Variants in DNAH11 observed in about 807,000 individuals in gnomAD.
DNAH11 encodes the protein dynein axonemal heavy chain 11, also known as axonemal beta dynein heavy chain 11.
DNAH11 carries 442 observed loss-of-function variants against 526.0 expected under a neutral mutation model. The observed-to-expected ratio is 0.84, with a 90% CI of 0.78 to 0.91. The LOEUF (loss-of-function observed/expected upper bound fraction) is 0.91. Ranked by LOEUF, DNAH11 falls within the 40% of genes least tolerant of loss-of-function variation. The pLI is 0.00. For missense variants in DNAH11, 6,989 were observed against 5,448.7 expected (o/e 1.28, Z -8.90); for synonymous variants, 2,461 against 1,935.9 (o/e 1.27, Z -7.12).
chr7:21,789,808 T>C (rs796537735), intron 61 of DNAH11, among the ~76,000 whole-genome samples: 129 of 34,114 alleles, frequency 3.8e-3, no homozygotes, highest in Middle Eastern at 0.025. Context: ...TTTCTTTCTT[T>C]TTTCTTTCTT....
chr7:21,694,530 C>G (rs1231136322), intron 35 of DNAH11, among the ~76,000 whole-genome samples: 2 of 152,158 alleles, frequency 1.3e-5, no homozygotes, highest in African/African-American at 4.8e-5. Context: ...GACATGAACT[C>G]ATTCCTTTTT....
intron 54 of DNAH11, among the ~76,000 whole-genome samples, chr7:21,760,095 A>G (rs1188520607): frequency 6.6e-6 from 1 of 151,846 alleles, no homozygotes; most frequent in Non-Finnish European, 1.5e-5. Context: ...CAATTTGCTC[A>G]CTTGCAATTG....
intron 61 of DNAH11, among the ~76,000 whole-genome samples, chr7:21,796,281 G>T (rs561380013): frequency 3.3e-5 from 5 of 152,242 alleles, no homozygotes; most frequent in Admixed American, 2.0e-4. Context: ...CCCCAGTAGG[G>T]ATCTGTGAGC....
At chr7:21,843,065 G>C (rs894895817) in intron 66 of DNAH11, among the ~76,000 whole-genome samples, 2 of 152,142 alleles carry the variant, frequency 1.3e-5, no homozygotes, top group Non-Finnish European at 2.9e-5. Context: ...ATTTAGCCTG[G>C]GCTAAAGAAT....
chr7:21,687,432 C>T lies in DNAH11; in HGVS notation c.5829C>T (p.Cys1943=), dbSNP rs1455063255. ...TGGTGCAGACAGGAGCTTGGGGCTG[C>T]TTTGATGAGTTCAACCGAATCTCTG... ...KGLVQTGAWG[C]FDEFNRISVE... Residue 1943 remains cysteine, a synonymous_variant, in exon 34 of 82, where the codon TGC becomes TGT. Transcript: ENST00000409508. 1 of 1,613,836 alleles carries T rather than the reference C, an allele frequency of 6.2e-7. No homozygotes were observed. Among genetic ancestry groups the T allele is most frequent in the East Asian group, 2.2e-5 (1 of 44,882 alleles).
chr7:21,723,980 A>G (rs1224262190), intron 44 of DNAH11, among the ~76,000 whole-genome samples: 2 of 152,310 alleles, frequency 1.3e-5, no homozygotes, highest in African/African-American at 4.8e-5. Flanking sequence ...ACACATCTTC[A>G]TGTTCCTCTC....
chr7:21,618,976 C>G, intron 23 of DNAH11, 124 bp from the exon 24 acceptor site: 1 of 1,231,764 alleles, frequency 8.1e-7, no homozygotes, highest in Non-Finnish European at 1.1e-6. Context: ...TATTTCAAGA[C>G]GAGAGATGTA....
Position 21,773,789 on chromosome 7 carries a change from C to G in DNAH11, c.9126C>G (p.Ser3042Arg), listed in dbSNP as rs757136516. The G allele has an allele frequency of 2.5e-6, 4 of 1,601,400 alleles. No homozygotes were observed. The highest frequency in any genetic ancestry group is 1.1e-5 in the South Asian group (1 of 87,780). Reference sequence around the variant, plus strand: ...AGCCAGTGCACAAAGACTCTATTAGCCTTTTCATGGCACATGTTCACACCA... The same window carrying G: ...AGCCAGTGCACAAAGACTCTATTAGGCTTTTCATGGCACATGTTCACACCA... ...GIEPVHKDSI[S>R]LFMAHVHTTV... Residue 3042 changes from serine to arginine, a missense_variant, in exon 56 of 82, where the codon AGC becomes AGG. By Grantham distance (110) the Ser-to-Arg change is moderately radical (BLOSUM62 -1). Coordinates refer to ENST00000409508, the MANE Select transcript of DNAH11 (RefSeq NM_001277115.2).
chr7:21,822,201 G>C (rs1790083692), intron 65 of DNAH11, among the ~76,000 whole-genome samples: 1 of 152,006 alleles, frequency 6.6e-6, no homozygotes, highest in African/African-American at 2.4e-5. Context: ...TCATGGTTCT[G>C]TAGGCTGTAA....
intron 74 of DNAH11, among the ~76,000 whole-genome samples, chr7:21,875,940 G>T (rs896248734): frequency 2.2e-5 from 3 of 136,734 alleles, no homozygotes; most frequent in African/African-American, 8.6e-5. Context: ...CTGGAGTGCA[G>T]TGGTACGATC....
intron 49 of DNAH11, 139 bp from the exon 50 acceptor site, chr7:21,744,299 C>T: frequency 1.0e-6 from 1 of 974,330 alleles, no homozygotes; most frequent in Non-Finnish European, 1.5e-6. Flanking sequence ...TACTTTTATA[C>T]ACGAACACGC....
At position 21,615,262 on chromosome 7, in the gene DNAH11, T is replaced by G. The variant is rs72657309; in HGVS notation, c.4001T>G (p.Ile1334Ser). 1.2e-5 allele frequency: 19 copies of G among 1,612,044 alleles called. No homozygotes were observed. The highest frequency in any genetic ancestry group is 1.5e-5 in the Non-Finnish European group (18 of 1,178,902). ...KLLKGLWDVI[I>S]YVRRSIDNWT... ...CTCAAGGGACTGTGGGATGTCATTA[T>G]TTATGTTCGAGTAAGATGTGCTTTT... The change falls in exon 21 of 82, where the codon ATT (isoleucine) becomes AGT (serine). Residue 1334 changes from isoleucine (I) to serine (S), a missense_variant. Ile to Ser is a moderately radical substitution (Grantham distance 142). Coordinates refer to ENST00000409508, the MANE Select transcript of DNAH11 (RefSeq NM_001277115.2).
chr7:21,600,669 C>A lies in DNAH11; in HGVS notation c.3001-7C>A. ...AATAGTAAGTGCTGTGTTTTCCTCT[C>A]ATTTAGAATGATATGGATAACATGT... On this transcript the variant is annotated splice_region_variant and splice_polypyrimidine_tract_variant and intron_variant, in intron 15 of 81. Coordinates refer to ENST00000409508, the MANE Select transcript of DNAH11 (RefSeq NM_001277115.2). 6.3e-7 allele frequency: 1 copy of A among 1,596,548 alleles called. No homozygotes were observed. The highest frequency in any genetic ancestry group is 1.1e-5 in the South Asian group (1 of 87,856).
rs775650523 is a variant in DNAH11, at chr7:21,619,072, A to C, written c.4255-28A>C. The C allele has an allele frequency of 3.7e-6, 6 of 1,612,756 alleles. No homozygotes were observed. In the South Asian group the frequency reaches 6.6e-5, roughly 18 times the overall value. The stretch of plus-strand genomic sequence containing the variant: ...GGAACCGTTCATATATGTGGAATAT[A>C]AAGTCTAACTTTTTTTCCCCCAATC... On this transcript the variant is annotated intron_variant, in intron 23 of 81. Transcript: ENST00000409508.
intron 48 of DNAH11, among the ~76,000 whole-genome samples, chr7:21,739,973 G>A (rs1340290099): frequency 6.6e-6 from 1 of 152,062 alleles, no homozygotes; most frequent in Admixed American, 6.6e-5. Flanking sequence ...TAGTTACAAT[G>A]ATCAGCCAAT....
At chr7:21,657,989 A>G (rs950198500) in intron 29 of DNAH11, among the ~76,000 whole-genome samples, 1 of 152,094 alleles carries the variant, frequency 6.6e-6, no homozygotes, top group East Asian at 1.9e-4. Context: ...TTTATTTTTT[A>G]TAGTCACTTT....
chr7:21,756,353 G>T (rs1031307818), intron 54 of DNAH11, among the ~76,000 whole-genome samples: 1 of 151,734 alleles, frequency 6.6e-6, no homozygotes, highest in African/African-American at 2.4e-5. Flanking sequence ...TTCTATTTGG[G>T]GCTGTCTGTT....
At chr7:21,667,202 T>A (rs112415393) in intron 30 of DNAH11, among the ~76,000 whole-genome samples, 1,707 of 152,238 alleles carry the variant, frequency 0.011, 42 homozygotes, top group African/African-American at 0.038. Flanking sequence ...AGGCTATTAG[T>A]GGAGGTGTTT....
chr7:21,842,828 A>C, intron 66 of DNAH11, 80 bp downstream of exon 66: 1 of 1,255,728 alleles, frequency 8.0e-7, no homozygotes, highest in African/African-American at 1.5e-5. Flanking sequence ...AGAAGTATAA[A>C]ATAGGATTCC....
Sources: gnomAD v4.1 joint callset for allele counts (sites outside exome capture counted in the v4.1 genomes callset) on GRCh38, gnomAD v4.1.1 for gene constraint, MANE v1.5 for transcripts, NCBI Gene and HGNC (gene_info 2026-07-23, HGNC 2026-07-21) for gene names.